Variants in TENM2 observed in about 807,000 individuals in gnomAD.
TENM2 encodes teneurin transmembrane protein 2.
Under a neutral mutation model 245.2 loss-of-function variants are expected in TENM2, and 52 were observed. That is an observed-to-expected ratio of 0.21 (90% CI 0.17 to 0.27). The LOEUF (loss-of-function observed/expected upper bound fraction) is 0.27. Among genes scored for constraint, TENM2 ranks in the 10% least tolerant of loss-of-function variants. The pLI is 1.00. For synonymous variants in TENM2, 1,363 were observed against 1,438.9 expected (o/e 0.95, Z 1.19); for missense variants, 3,046 against 3,666.8 (o/e 0.83, Z 4.37).
intron 1 of TENM2, among the ~76,000 whole-genome samples, chr5:167,294,761 G>A (rs751496330): frequency 3.3e-5 from 5 of 151,998 alleles, no homozygotes; most frequent in South Asian, 2.1e-4. Context: ...CACAGGCCCC[G>A]TTTCTGCCTT....
chr5:167,299,959 A>G (rs527721867), intron 1 of TENM2, among the ~76,000 whole-genome samples: 130 of 152,298 alleles, frequency 8.5e-4, no homozygotes, highest in African/African-American at 2.7e-3. Flanking sequence ...TGAGTTGAGC[A>G]TAGTTTGTGA....
intron 12 of TENM2, among the ~76,000 whole-genome samples, chr5:168,154,171 A>AAAC (rs1291749559): frequency 4.0e-5 from 6 of 149,150 alleles, no homozygotes; most frequent in Admixed American, 6.7e-5. Flanking sequence ...AAAAAACAGT[A>AAAC]AGAGCTTGAA....
intron 2 of TENM2, among the ~76,000 whole-genome samples, chr5:167,648,663 T>G (rs1780130924): frequency 6.6e-6 from 1 of 152,172 alleles, no homozygotes; most frequent in South Asian, 2.1e-4. Context: ...CGGATGGATG[T>G]CTGTCTGAGA....
At chr5:167,399,900 C>T (rs1034720882) in intron 2 of TENM2, among the ~76,000 whole-genome samples, 1 of 151,554 alleles carries the variant, frequency 6.6e-6, no homozygotes, top group Non-Finnish European at 1.5e-5. Flanking sequence ...TAGATCACAT[C>T]TTAAGCTGAG....
rs553417117 is a variant in TENM2 at position 168,260,491 on chromosome 5, G to A, written c.7563+78G>A. The A allele has an allele frequency of 2.0e-5, 31 of 1,544,368 alleles. No homozygotes were observed. In the East Asian group the frequency reaches 6.1e-4, roughly 30 times the overall value. Reference sequence around the variant, plus strand: ...CAAACAGAACCTCATGGGAGCCAGGGGCATGTCAGCGCAGGAAAACATTGG... The same window carrying A: ...CAAACAGAACCTCATGGGAGCCAGGAGCATGTCAGCGCAGGAAAACATTGG... On this transcript the variant is annotated intron_variant, in intron 28 of 28. Transcript: ENST00000518659.
chr5:167,526,940 A>G (rs1179152842), intron 2 of TENM2, among the ~76,000 whole-genome samples: 1 of 152,096 alleles, frequency 6.6e-6, no homozygotes, highest in Non-Finnish European at 1.5e-5. Flanking sequence ...CTGTACCCTT[A>G]TCTGACCCAC....
chr5:167,255,633 C>T, the TENM2 span, among the ~76,000 whole-genome samples: 14 of 152,034 alleles, frequency 9.2e-5, 1 homozygote, highest in African/African-American at 3.4e-4. Context: ...TTTTGTGGCC[C>T]TGATTTTACA....
chr5:168,051,449 A>T (rs1252559749), intron 6 of TENM2, among the ~76,000 whole-genome samples: 4 of 151,982 alleles, frequency 2.6e-5, no homozygotes, highest in African/African-American at 9.7e-5. Flanking sequence ...TCACCATCTG[A>T]CCCTTTAAAA....
At chr5:167,017,681 G>A in the TENM2 span, among the ~76,000 whole-genome samples, 1 of 152,118 alleles carries the variant, frequency 6.6e-6, no homozygotes, top group African/African-American at 2.4e-5. Flanking sequence ...ACACATCATA[G>A]ATTTAAGAAA....
At chr5:167,826,914 C>T (rs567799185) in intron 2 of TENM2, among the ~76,000 whole-genome samples, 1 of 152,336 alleles carries the variant, frequency 6.6e-6, no homozygotes, top group Non-Finnish European at 1.5e-5. Flanking sequence ...CATTTTCATC[C>T]AAATTTTATA....
intron 2 of TENM2, among the ~76,000 whole-genome samples, chr5:167,695,762 C>A (rs1305952334): frequency 6.7e-6 from 1 of 149,924 alleles, no homozygotes; most frequent in African/African-American, 2.4e-5. Flanking sequence ...TGGCTGGGTG[C>A]GGTGGCTCAC....
intron 12 of TENM2, among the ~76,000 whole-genome samples, chr5:168,148,501 C>A (rs1468346858): frequency 1.3e-5 from 2 of 152,172 alleles, no homozygotes; most frequent in African/African-American, 2.4e-5. Flanking sequence ...GCCTCCCCAC[C>A]AAGTCCTTGA....
At position 167,913,224 on chromosome 5, in the gene TENM2, A is replaced by T. The variant is rs530112459; in HGVS notation, c.712+37029A>T. ...CTCCTAGTACAACCTGGAGTTTCTG[A>T]CTACATTCTAATGGGCTGACTTCAT... is the stretch of plus-strand genomic sequence containing the variant. On this transcript the variant is annotated intron_variant, in intron 3 of 28. Coordinates refer to ENST00000518659, the Ensembl canonical transcript of TENM2. Among the ~76,000 whole-genome samples the T allele has an allele frequency of 1.8e-4, 28 of 152,254 alleles. No homozygotes were observed. The South Asian group carries it at 5.8e-3, about 32-fold the overall frequency.
chr5:167,874,287 A>T (rs12189098), intron 2 of TENM2, among the ~76,000 whole-genome samples: 87,916 of 152,058 alleles, frequency 0.58, 29,266 homozygotes, highest in Non-Finnish European at 0.74. Context: ...GTGGTGTCTT[A>T]CTTATTTTTG....
At chr5:168,110,067 A>G (rs750848) in intron 9 of TENM2, among the ~76,000 whole-genome samples, 2,941 of 139,530 alleles carry the variant, frequency 0.021, 95 homozygotes, top group African/African-American at 0.075. Context: ...TTTCCTTTTT[A>G]AACTACTAGA....
intron 1 of TENM2, among the ~76,000 whole-genome samples, chr5:167,353,766 CAAAG>C (rs1759130782): frequency 6.6e-6 from 1 of 151,870 alleles, no homozygotes; most frequent in Non-Finnish European, 1.5e-5. Flanking sequence ...CTCGGCCTCC[CAAAG>C]TGCTGGGATT....
chr5:167,782,206 G>A (rs1432601100), intron 2 of TENM2, among the ~76,000 whole-genome samples: 4 of 150,614 alleles, frequency 2.7e-5, no homozygotes, highest in South Asian at 4.2e-4. Flanking sequence ...CCAGCTACTC[G>A]GGAGGCTGAG....
At chr5:167,291,071 T>G (rs1161303021) in intron 1 of TENM2, among the ~76,000 whole-genome samples, 4 of 152,218 alleles carry the variant, frequency 2.6e-5, no homozygotes, top group Non-Finnish European at 5.9e-5. Context: ...ACTATCTTCA[T>G]GTTTGCCCAA....
chr5:167,598,018 T>G (rs1221974030), intron 2 of TENM2, among the ~76,000 whole-genome samples: 4 of 152,164 alleles, frequency 2.6e-5, no homozygotes, highest in African/African-American at 9.7e-5. Flanking sequence ...TTCCATGAGT[T>G]TAGCTGCATT....
Sources: gnomAD v4.1 joint callset for allele counts (sites outside exome capture counted in the v4.1 genomes callset) on GRCh38, gnomAD v4.1.1 for gene constraint, MANE v1.5 for transcripts, NCBI Gene and HGNC (gene_info 2026-07-23, HGNC 2026-07-21) for gene names.